ELP6: variants seen among roughly 807,000 people sequenced by gnomAD.
ELP6 encodes elongator complex protein 6.
In ELP6, 23 loss-of-function variants were observed where a neutral mutation model predicts 28.1. That is an observed-to-expected ratio of 0.82 (90% CI 0.59 to 1.16). The LOEUF (loss-of-function observed/expected upper bound fraction) is 1.16. Among genes scored for constraint, ELP6 ranks in the 50% most tolerant of loss-of-function variants. ELP6 has a pLI of 0.00. For missense variants in ELP6, 313 were observed against 334.6 expected (o/e 0.94, Z 0.50); for synonymous variants, 132 against 135.8 (o/e 0.97, Z 0.19).
chr3:47,512,545 C>G (rs935444427), intron 1 of ELP6: 1 of 942,750 alleles, frequency 1.1e-6, no homozygotes, highest in Non-Finnish European at 1.3e-6. Flanking sequence ...AGCGAGACTC[C>G]ATCAAAAATA....
At chr3:47,511,720 G>T in intron 1 of ELP6, 1 of 806,446 alleles carries the variant, frequency 1.2e-6, no homozygotes, top group Non-Finnish European at 1.5e-6. Context: ...ACAGATGTCT[G>T]ATAACAAAGT....
chr3:47,503,080 T>C, intron 4 of ELP6: 2 of 1,045,284 alleles, frequency 1.9e-6, no homozygotes, highest in Non-Finnish European at 1.2e-6. Flanking sequence ...GATGAGCCCC[T>C]GGCATTGGGT....
intron 4 of ELP6, chr3:47,502,588 A>G (rs1212386255): frequency 2.1e-5 from 21 of 977,558 alleles, no homozygotes; most frequent in Non-Finnish European, 2.3e-5. Context: ...TAATCCCAGC[A>G]CTTTGGGGGG....
chr3:47,509,854 C>T lies in ELP6; in HGVS notation c.204+330G>A, dbSNP rs140632500. The T allele has an allele frequency of 1.1e-3, 199 of 174,900 alleles. 2 individuals are homozygous for T. Among genetic ancestry groups the T allele is most frequent in the African/African-American group, 4.4e-3 (185 of 42,264 alleles). 10.8% of individuals were successfully genotyped at this position (174,900 alleles called of 1,614,324 possible). The stretch of plus-strand genomic sequence containing the variant: ...TCAGCTCACTGCAACCTCTGGCTCC[C>T]GGGTTCAAGCGATTTTCCTGCCTCA... On this transcript the variant is annotated intron_variant, in intron 3 of 6. Coordinates refer to ENST00000296149, the MANE Select transcript of ELP6 (RefSeq NM_001031703.3).
At chr3:47,497,788 C>G (rs1029169467) in intron 6 of ELP6, 1 of 190,832 alleles carries the variant, frequency 5.2e-6, no homozygotes, top group Non-Finnish European at 9.6e-6. Flanking sequence ...AAAAATTAGC[C>G]GGGCATGGCA....
Position 47,510,424 on chromosome 3 carries a change from A to G in ELP6, c.134-170T>C, listed in dbSNP as rs755939834. On this transcript the variant is annotated intron_variant, in intron 2 of 6. Transcript: ENST00000296149. ...GTACTTTTTTTCTTATTTAACAGTT[A>G]TATCTTATTTTACTGGTTCTAAGAT... Among the ~76,000 whole-genome samples the G allele has an allele frequency of 2.0e-5, 3 of 152,164 alleles. No homozygotes were observed. The South Asian group carries it at 6.2e-4, about 32-fold the overall frequency.
In ELP6 at chr3:47,496,024, C is replaced by T. The variant is rs762510261; in HGVS notation, c.*45G>A. ...TCTTGCTATGTTGCTCTATCTTCCA[C>T]GTCCAAAAACAGTCCTATGTAGCTT... On this transcript the variant is annotated 3_prime_UTR_variant, in exon 7 of 7. Coordinates refer to ENST00000296149, the MANE Select transcript of ELP6 (RefSeq NM_001031703.3). 43 of 1,612,142 alleles carry T rather than the reference C, an allele frequency of 2.7e-5. No homozygotes were observed. Among genetic ancestry groups the T allele is most frequent in the East Asian group, 6.7e-5 (3 of 44,846 alleles).
At chr3:47,503,488 C>CTCT in intron 4 of ELP6, 3 of 1,241,976 alleles carry the variant, frequency 2.4e-6, no homozygotes, top group Non-Finnish European at 3.2e-6. Flanking sequence ...GTCATATGGT[C>CTCT]TCTGTCCCAA....
At position 47,511,854 on chromosome 3, in the gene ELP6, G is replaced by A. The variant is rs186992912; in HGVS notation, c.55-628C>T. 1.8e-5 allele frequency: 18 copies of A among 985,748 alleles called. No individual in the cohort carries two copies. In the East Asian group the frequency reaches 1.8e-3, roughly 99 times the overall value. The allele number at this position is 985,748 out of a possible 1,614,324, so 61.1% of individuals were successfully genotyped here. ...CTCTATTTCTGTCAGTGACAGGGAA[G>A]GTCAGGATCAAGTGATATCATGCAT... is the stretch of plus-strand genomic sequence containing the variant. On this transcript the variant is annotated intron_variant, in intron 1 of 6. Coordinates refer to ENST00000296149, the MANE Select transcript of ELP6 (RefSeq NM_001031703.3).
intron 2 of ELP6, 63 bp from the exon 3 acceptor site, chr3:47,510,317 T>C (rs1408607851): frequency 2.0e-5 from 29 of 1,438,670 alleles, no homozygotes; most frequent in Admixed American, 3.7e-5. Context: ...ACTGATTTCA[T>C]ACCTCTGGAA....
chr3:47,509,919 G>A (rs551831440), intron 3 of ELP6: 4 of 279,696 alleles, frequency 1.4e-5, no homozygotes, highest in Admixed American at 5.1e-5. Flanking sequence ...GCACCACCAC[G>A]CCCAGCTAAT....
At chr3:47,496,943 T>C (rs1445384994) in intron 6 of ELP6, 1 of 985,214 alleles carries the variant, frequency 1.0e-6, no homozygotes, top group Non-Finnish European at 1.2e-6. Flanking sequence ...GCTCTGGGGG[T>C]CTGGCTGAAG....
Position 47,500,086 on chromosome 3 carries a change from C to T in ELP6, c.525+1564G>A, listed in dbSNP as rs140755864. On this transcript the variant is annotated intron_variant, in intron 5 of 6. Coordinates refer to ENST00000296149, the MANE Select transcript of ELP6 (RefSeq NM_001031703.3). ...CATCCCAGAGCAGTGGGCTTGTGAA[C>T]GGCAGAAAGGAGGGACTGGCATCTG... 9.7e-4 allele frequency: 1,179 copies of T among 1,211,960 alleles called. 2 individuals carry two copies. The highest frequency in any genetic ancestry group is 1.2e-3 in the Non-Finnish European group (1,102 of 952,380). 75.1% of individuals were successfully genotyped at this position (1,211,960 alleles called of 1,614,324 possible).
intron 4 of ELP6, chr3:47,504,070 G>A: frequency 2.5e-6 from 1 of 396,458 alleles, no homozygotes; most frequent in Non-Finnish European, 4.5e-6. Flanking sequence ...CTAAGCCAGG[G>A]CTGGAAAACA....
intron 1 of ELP6, chr3:47,512,631 G>A: frequency 1.0e-6 from 1 of 985,466 alleles, no homozygotes; most frequent in Non-Finnish European, 1.2e-6. Context: ...AAGGTTTCAA[G>A]GTACCCCGGA....
At position 47,500,187 on chromosome 3, in the gene ELP6, A is replaced by G. The variant is rs1319110193; in HGVS notation, c.525+1463T>C. ...GCAGATCCATGTGTTATTTTTGGGC[A>G]ATGGACAACAAAATATACCGTGTAT... On this transcript the variant is annotated intron_variant, in intron 5 of 6. Transcript: ENST00000296149. 4.5e-6 allele frequency: 5 copies of G among 1,122,482 alleles called. No homozygotes were observed. The African/African-American group carries it at 8.4e-5, about 19-fold the overall frequency. 69.5% of individuals were successfully genotyped at this position (1,122,482 alleles called of 1,614,324 possible).
At chr3:47,504,606 A>C in intron 3 of ELP6, 158 bp from the exon 4 acceptor site, 3 of 985,406 alleles carry the variant, frequency 3.0e-6, no homozygotes, top group Non-Finnish European at 3.6e-6. Context: ...GGGTGCTCCC[A>C]AACCCATAAT....
chr3:47,502,010 A>C (rs939669338), intron 4 of ELP6, among the ~76,000 whole-genome samples, 159 bp from the exon 5 acceptor site: 2 of 152,194 alleles, frequency 1.3e-5, no homozygotes, highest in African/African-American at 4.8e-5. Context: ...AAAGGCATGC[A>C]CATGTACAGG....
chr3:47,496,995 G>A, intron 6 of ELP6: 1 of 985,426 alleles, frequency 1.0e-6, no homozygotes, highest in Non-Finnish European at 1.2e-6. Flanking sequence ...CTCAGGCCCT[G>A]CTGCAGCACT....
Sources: gnomAD v4.1 joint callset for allele counts (sites outside exome capture counted in the v4.1 genomes callset) on GRCh38, gnomAD v4.1.1 for gene constraint, MANE v1.5 for transcripts, NCBI Gene and HGNC (gene_info 2026-07-23, HGNC 2026-07-21) for gene names.